Variants in MED27 observed in about 807,000 individuals in gnomAD.
The protein encoded by MED27 is mediator of RNA polymerase II transcription subunit 27.
MED27 carries 30 observed loss-of-function variants against 38.2 expected under a neutral mutation model. The ratio of observed to expected loss-of-function variants is 0.79; its 90% CI spans 0.59 to 1.07. MED27 has a LOEUF of 1.07. MED27 is among the 50% of genes least tolerant of loss of function. MED27 has a pLI of 0.00. For synonymous variants in MED27, 122 were observed against 153.5 expected, an observed-to-expected ratio of 0.79 and a Z score of 1.52; for missense variants, 289 against 397.5, an observed-to-expected ratio of 0.73 and a Z score of 2.32.
intron 2 of MED27, among the ~76,000 whole-genome samples, chr9:132,048,135 C>T (rs958020867): frequency 6.6e-6 from 1 of 152,154 alleles, no homozygotes; most frequent in Admixed American, 6.5e-5. Flanking sequence ...ATAATGAGCA[C>T]ATATTACTCT....
chr9:131,860,686 CGAGGA>C lies in MED27; in HGVS notation c.802-19_802-15del. On this transcript the variant is annotated splice_polypyrimidine_tract_variant and intron_variant, in intron 7 of 7. Coordinates refer to ENST00000292035, the MANE Select transcript of MED27 (RefSeq NM_004269.4). The surrounding 1 kb of genome is among the most constrained non-coding windows in gnomAD (Gnocchi z 5.8). Reference sequence around the variant, plus strand: ...TCTTAACCAGGTCTAAAAAGAGAAACGAGGAGAGAAGTGAAAGAATGGGATACGGG... The same window carrying C: ...TCTTAACCAGGTCTAAAAAGAGAAACGAGAAGTGAAAGAATGGGATACGGG... 6.2e-7 allele frequency: 1 copy of C among 1,612,026 alleles called. No individual in the cohort carries two copies. The highest frequency in any genetic ancestry group is 8.5e-7 in the Non-Finnish European group (1 of 1,179,032).
At chr9:132,068,511 C>T (rs1833860465) in intron 2 of MED27, among the ~76,000 whole-genome samples, 1 of 152,098 alleles carries the variant, frequency 6.6e-6, no homozygotes, top group Non-Finnish European at 1.5e-5. Context: ...TGCGGCATTG[C>T]CCTGAGCAAT....
intron 3 of MED27, among the ~76,000 whole-genome samples, chr9:132,011,456 C>T (rs913571936): frequency 6.6e-6 from 1 of 152,156 alleles, no homozygotes; most frequent in Non-Finnish European, 1.5e-5. Context: ...AGCCATGTTG[C>T]ATTTCTAGCC....
chr9:131,871,215 C>T (rs988720680), intron 6 of MED27, among the ~76,000 whole-genome samples: 4 of 152,154 alleles, frequency 2.6e-5, no homozygotes, highest in Admixed American at 6.5e-5. Flanking sequence ...GCAGCACCCA[C>T]ACGCTTTTTC....
intron 4 of MED27, among the ~76,000 whole-genome samples, chr9:131,906,094 A>T (rs565981154): frequency 6.6e-6 from 1 of 152,344 alleles, no homozygotes; most frequent in East Asian, 1.9e-4. Flanking sequence ...TGAAAAAATG[A>T]CATTTAGAAC....
rs370500294 is a variant in MED27 at position 131,944,215 on chromosome 9, C to T, written c.480-4741G>A. Among the ~76,000 whole-genome samples the T allele has an allele frequency of 4.6e-5, 7 of 152,226 alleles. No individual in the cohort carries two copies. The East Asian group carries it at 7.7e-4, about 17-fold the overall frequency. On this transcript the variant is annotated intron_variant, in intron 3 of 7. Transcript: ENST00000292035. ...CTTGCTCCTTTCAATGGCCTTAGTCCGAGAATTAAAGAACACCAGGACCTC... is the reference window on the plus strand; with the variant it reads ...CTTGCTCCTTTCAATGGCCTTAGTCTGAGAATTAAAGAACACCAGGACCTC...
chr9:131,929,297 G>A (rs993680722), intron 4 of MED27, among the ~76,000 whole-genome samples: 15 of 152,176 alleles, frequency 9.9e-5, no homozygotes, highest in African/African-American at 2.4e-4. Flanking sequence ...ATTCCCAGCC[G>A]TGGTGGTTCT....
At chr9:131,963,326 G>C (rs1017100002) in intron 3 of MED27, among the ~76,000 whole-genome samples, 1 of 152,050 alleles carries the variant, frequency 6.6e-6, no homozygotes, top group African/African-American at 2.4e-5. Context: ...GAAACAAAAT[G>C]GCCAGAAATT....
chr9:132,038,311 C>G (rs916223372), intron 2 of MED27, among the ~76,000 whole-genome samples: 4 of 150,626 alleles, frequency 2.7e-5, no homozygotes, highest in Admixed American at 2.6e-4. Flanking sequence ...CCTGCCTCAG[C>G]CTCCCAAGTA....
chr9:131,979,482 CCAAA>C (rs773476989), intron 3 of MED27, among the ~76,000 whole-genome samples: 1 of 24,966 alleles, frequency 4.0e-5, no homozygotes, highest in Non-Finnish European at 8.1e-5. Context: ...AAAAGCTGTT[CCAAA>C]AAAAAAAAAA....
chr9:131,952,715 TG>T (rs1353534068), intron 3 of MED27, among the ~76,000 whole-genome samples: 2 of 152,210 alleles, frequency 1.3e-5, no homozygotes, highest in Admixed American at 1.3e-4. Flanking sequence ...ATCATAGCTC[TG>T]TCAGGATCCC....
chr9:132,041,504 T>C (rs569509814), intron 2 of MED27, among the ~76,000 whole-genome samples: 2 of 152,322 alleles, frequency 1.3e-5, no homozygotes, highest in East Asian at 1.9e-4. Context: ...GTAACCATCA[T>C]GCTACCGACT....
intron 3 of MED27, among the ~76,000 whole-genome samples, chr9:131,998,718 G>A (rs1007439574): frequency 7.9e-5 from 12 of 152,246 alleles, no homozygotes; most frequent in Non-Finnish European, 1.8e-4. Context: ...GAATGGTGGG[G>A]TGAGGTCTGT....
chr9:131,872,330 A>T lies in MED27; in HGVS notation c.724-9190T>A, dbSNP rs761790149. On this transcript the variant is annotated intron_variant, in intron 6 of 7. Transcript: ENST00000292035. This position sits in a 1 kb window ranked among gnomAD's most constrained non-coding sequence, Gnocchi z 5.6. ...TGCTGAGGGCATTATCTGCCAGCAC[A>T]CAGCCCCCGAGGCCAAGCTAGAAGA... Among the ~76,000 whole-genome samples, 3 of 152,248 alleles carry T rather than the reference A, an allele frequency of 2.0e-5. No individual in the cohort carries two copies. Among genetic ancestry groups the T allele is most frequent in the Non-Finnish European group, 4.4e-5 (3 of 68,040 alleles).
intron 3 of MED27, among the ~76,000 whole-genome samples, chr9:131,959,657 A>G (rs1175405122): frequency 6.6e-6 from 1 of 152,230 alleles, no homozygotes; most frequent in Non-Finnish European, 1.5e-5. Context: ...TGCACAAAGA[A>G]GCAATTATAC....
At chr9:132,050,504 A>G (rs34517806) in intron 2 of MED27, among the ~76,000 whole-genome samples, 10,999 of 152,284 alleles carry the variant, frequency 0.072, 535 homozygotes, top group Middle Eastern at 0.15. Context: ...GTCGCTCTGT[A>G]AAAGACAGGG....
At chr9:131,922,407 G>C (rs1479607273) in intron 4 of MED27, among the ~76,000 whole-genome samples, 2 of 149,642 alleles carry the variant, frequency 1.3e-5, no homozygotes, top group Non-Finnish European at 3.0e-5. Flanking sequence ...CCTGGGTTTG[G>C]TGAGTAGGAG....
At chr9:131,907,382 T>C (rs905156862) in intron 4 of MED27, among the ~76,000 whole-genome samples, 2 of 152,152 alleles carry the variant, frequency 1.3e-5, no homozygotes, top group African/African-American at 4.8e-5. Context: ...CACGCCTGAC[T>C]GGTTTTCGTA....
At chr9:131,910,123 T>C (rs1047059522) in intron 4 of MED27, among the ~76,000 whole-genome samples, 5 of 152,228 alleles carry the variant, frequency 3.3e-5, no homozygotes, top group Admixed American at 6.5e-5. Flanking sequence ...TTTAAGAGTC[T>C]TGTTTATTCC....
Sources: allele counts gnomAD v4.1 joint callset (sites outside exome capture counted in the v4.1 genomes callset), GRCh38; gene constraint gnomAD v4.1.1; non-coding constraint Gnocchi (gnomAD v3.1); transcripts MANE v1.5; gene names NCBI Gene and HGNC (gene_info 2026-07-23, HGNC 2026-07-21).